FMR1NB: variants seen among roughly 807,000 people sequenced by gnomAD.
FMR1NB encodes the protein FMR1 neighbor protein.
Under a neutral mutation model 16.8 loss-of-function variants are expected in FMR1NB, and 10 were observed. The ratio of observed to expected loss-of-function variants is 0.60; its 90% CI spans 0.37 to 1.01. The LOEUF (loss-of-function observed/expected upper bound fraction) is 1.01. Among genes scored for constraint, FMR1NB ranks in the 50% least tolerant of loss-of-function variants. FMR1NB has a pLI of 0.01. For missense variants in FMR1NB, 205 were observed against 204.8 expected (o/e 1.00, Z 0.00); for synonymous variants, 83 against 79.1 (o/e 1.05, Z -0.26).
chrX:147,988,522 T>G (rs1370886219), intron 1 of FMR1NB, among the ~76,000 whole-genome samples: 1 of 110,733 alleles, frequency 9.0e-6, no homozygotes, highest in Non-Finnish European at 1.9e-5. Flanking sequence ...CTTTGTGGTG[T>G]TCTATTTCCT....
chrX:148,001,340 G>T (rs2044569459), intron 1 of FMR1NB, among the ~76,000 whole-genome samples: 1 of 111,974 alleles, frequency 8.9e-6, no homozygotes, highest in Admixed American at 9.5e-5. Flanking sequence ...TTGAATGAAT[G>T]ATAAATAAGT....
intron 1 of FMR1NB, among the ~76,000 whole-genome samples, chrX:147,993,809 A>G (rs1557187953): frequency 1.8e-5 from 2 of 109,648 alleles, no homozygotes; most frequent in Non-Finnish European, 3.8e-5. Context: ...TCCTTCCTTC[A>G]CCACCCAAAG....
intron 1 of FMR1NB, among the ~76,000 whole-genome samples, chrX:148,001,963 A>G (rs1208152454): frequency 9.1e-6 from 1 of 110,487 alleles, no homozygotes; most frequent in African/African-American, 3.3e-5. Flanking sequence ...TCGTATCCCT[A>G]CTCCACAACA....
chrX:147,992,172 G>A (rs1339910154), intron 1 of FMR1NB, among the ~76,000 whole-genome samples: 1 of 109,160 alleles, frequency 9.2e-6, no homozygotes, highest in African/African-American at 3.4e-5. Flanking sequence ...TGAGCTGTTG[G>A]GCACACCTCC....
chrX:147,995,689 TGGAC>T (rs1213893761), intron 1 of FMR1NB, among the ~76,000 whole-genome samples: 2 of 112,854 alleles, frequency 1.8e-5, no homozygotes, highest in Admixed American at 1.9e-4. Flanking sequence ...CTTAGCTGCA[TGGAC>T]AGATCTCAGT....
intron 4 of FMR1NB, among the ~76,000 whole-genome samples, chrX:148,015,199 T>C (rs941523771): frequency 2.7e-5 from 3 of 111,781 alleles, no homozygotes; most frequent in African/African-American, 9.8e-5. Context: ...ATTTTACTTA[T>C]TTGGGTATTC....
chrX:147,987,218 G>A (rs2049983634), intron 1 of FMR1NB, among the ~76,000 whole-genome samples: 1 of 111,381 alleles, frequency 9.0e-6, no homozygotes, highest in Admixed American at 9.5e-5. Context: ...AAGGAGTTTT[G>A]GGGCTGAGAC....
chrX:147,994,801 A>G (rs782092368), intron 1 of FMR1NB, among the ~76,000 whole-genome samples: 2 of 112,430 alleles, frequency 1.8e-5, no homozygotes, highest in South Asian at 7.3e-4. Flanking sequence ...CCAGATTCTC[A>G]GGAGGTAATA....
chrX:147,998,709 A>G (rs1448479429), intron 1 of FMR1NB, among the ~76,000 whole-genome samples: 4 of 112,711 alleles, frequency 3.5e-5, no homozygotes, highest in African/African-American at 1.3e-4. Flanking sequence ...TACACTTTCA[A>G]ATAAACTCAT....
chrX:148,015,062 T>G (rs1439849248), intron 4 of FMR1NB, among the ~76,000 whole-genome samples: 1 of 111,887 alleles, frequency 8.9e-6, no homozygotes, highest in African/African-American at 3.3e-5. Flanking sequence ...TTAGGTTGTA[T>G]GTGTCTAGAC....
Position 148,008,824 on chromosome X carries a change from T to G in FMR1NB, c.632+113T>G. 4 of 650,803 alleles carry G rather than the reference T, an allele frequency of 6.1e-6. No homozygotes were observed. The East Asian group carries it at 1.4e-4, about 22-fold the overall frequency. The allele number at this position is 650,803 out of a possible 1,213,427, so 53.6% of individuals were successfully genotyped here. On this transcript the variant is annotated intron_variant, in intron 4 of 5. Transcript: ENST00000370467. Reference sequence around the variant, plus strand: ...ACAGGGATTATGTTTGGGTTCTTTATGTTGAAAATATGGTAGCTTGGGAAA... The same window carrying G: ...ACAGGGATTATGTTTGGGTTCTTTAGGTTGAAAATATGGTAGCTTGGGAAA...
chrX:147,984,807 A>G (rs1194927753), intron 1 of FMR1NB, among the ~76,000 whole-genome samples: 1 of 112,427 alleles, frequency 8.9e-6, no homozygotes, highest in Non-Finnish European at 1.9e-5. Context: ...GTTTTTCAAC[A>G]TTGATTATAA....
intron 4 of FMR1NB, among the ~76,000 whole-genome samples, chrX:148,014,501 A>G (rs1557189919): frequency 8.9e-6 from 1 of 112,205 alleles, no homozygotes; most frequent in Non-Finnish European, 1.9e-5. Flanking sequence ...AAAGAAGCAA[A>G]TCAGATTATG....
At chrX:147,987,039 C>T (rs1269203320) in intron 1 of FMR1NB, among the ~76,000 whole-genome samples, 12 of 111,019 alleles carry the variant, frequency 1.1e-4, no homozygotes, top group Admixed American at 7.7e-4. Context: ...TCCTTCATGT[C>T]CCTTGTAAGT....
chrX:147,995,987 A>G (rs1471521741), intron 1 of FMR1NB, among the ~76,000 whole-genome samples: 1 of 111,828 alleles, frequency 8.9e-6, no homozygotes, highest in East Asian at 2.8e-4. Flanking sequence ...AAAAATGAAG[A>G]AATTTCACTA....
intron 1 of FMR1NB, among the ~76,000 whole-genome samples, chrX:147,993,181 G>A (rs368222228): frequency 2.7e-5 from 3 of 113,156 alleles, no homozygotes; most frequent in Admixed American, 9.2e-5. Context: ...TCGGGAGGCC[G>A]AGGTTGGCGG....
rs145132994 is a variant in FMR1NB, at chrX:147,988,675, C to T, written c.277+6996C>T. ...CGTAGGTTTTGTCTTTTCACATAGT[C>T]CCATATTTCTTGGAGGCTTTTTTCA... On this transcript the variant is annotated intron_variant, in intron 1 of 5. Coordinates refer to ENST00000370467, the MANE Select transcript of FMR1NB (RefSeq NM_152578.3). 2.4e-3 allele frequency among the ~76,000 whole-genome samples: 263 copies of T among 111,644 alleles called. 2 individuals carry two copies. The highest frequency in any genetic ancestry group is 4.0e-3 in the Non-Finnish European group (213 of 53,159).
rs1042789410 is a variant in FMR1NB, at chrX:147,993,393, G to A, written c.278-9808G>A. ...TTCGGTTCCGCATGAGAGGGAGACC[G>A]TGGGGAGAGGGAGAGGGAGAGGGGC... On this transcript the variant is annotated intron_variant, in intron 1 of 5. Coordinates refer to ENST00000370467, the MANE Select transcript of FMR1NB (RefSeq NM_152578.3). 3.8e-4 allele frequency among the ~76,000 whole-genome samples: 32 copies of A among 83,120 alleles called. 1 individual carries two copies. The highest frequency in any genetic ancestry group is 1.8e-3 in the African/African-American group (31 of 17,294). 72.2% of individuals were successfully genotyped at this position (83,120 alleles called of 115,157 possible).
intron 5 of FMR1NB, among the ~76,000 whole-genome samples, chrX:148,025,476 A>G (rs1455335682): frequency 8.9e-6 from 1 of 111,816 alleles, no homozygotes; most frequent in Non-Finnish European, 1.9e-5. Flanking sequence ...ATGTAGTGTT[A>G]GAAGAGGTTG....
Sources: gnomAD v4.1 joint callset for allele counts (sites outside exome capture counted in the v4.1 genomes callset) on GRCh38, gnomAD v4.1.1 for gene constraint, MANE v1.5 for transcripts, NCBI Gene and HGNC (gene_info 2026-07-23, HGNC 2026-07-21) for gene names.